The following PTPRT variants were observed in gnomAD, a reference collection of about 807,000 sequenced individuals.
PTPRT encodes the protein protein tyrosine phosphatase receptor type T, also known as receptor-type tyrosine-protein phosphatase T.
PTPRT carries 56 observed loss-of-function variants against 176.8 expected under a neutral mutation model. The observed-to-expected ratio is 0.32, with a 90% CI of 0.26 to 0.40. PTPRT has a LOEUF of 0.40. Ranked by LOEUF, PTPRT falls within the 10% of genes least tolerant of loss-of-function variation. The pLI is 1.00. For synonymous variants in PTPRT, 783 were observed against 739.0 expected (o/e 1.06, Z -0.96); for missense variants, 1,540 against 1,908.2 (o/e 0.81, Z 3.60).
At chr20:42,146,651 C>T (rs985026822) in intron 17 of PTPRT, among the ~76,000 whole-genome samples, 2 of 152,188 alleles carry the variant, frequency 1.3e-5, no homozygotes, top group South Asian at 2.1e-4. Context: ...CATGAGTCTC[C>T]TCATTGGTTC....
chr20:42,377,699 G>A (rs1360646427), intron 9 of PTPRT, among the ~76,000 whole-genome samples: 1 of 152,152 alleles, frequency 6.6e-6, no homozygotes, highest in Non-Finnish European at 1.5e-5. Context: ...CTGTGCTTCC[G>A]GTTGTGAGCC....
chr20:42,819,936 C>A (rs1420104482), intron 2 of PTPRT, among the ~76,000 whole-genome samples: 1 of 152,106 alleles, frequency 6.6e-6, no homozygotes, highest in East Asian at 1.9e-4. Context: ...TAGAGACCTA[C>A]AAAGAGACTC....
intron 11 of PTPRT, among the ~76,000 whole-genome samples, chr20:42,348,633 T>C (rs2058232103): frequency 6.6e-6 from 1 of 152,124 alleles, no homozygotes. Flanking sequence ...ATACAGGTAG[T>C]GTTATATATA....
chr20:42,258,152 T>C (rs563067891), intron 13 of PTPRT, among the ~76,000 whole-genome samples: 1 of 152,326 alleles, frequency 6.6e-6, no homozygotes, highest in African/African-American at 2.4e-5. Flanking sequence ...CAGATTAAAA[T>C]ATCTTTGTAT....
chr20:42,548,829 G>A (rs1044885885), intron 7 of PTPRT, among the ~76,000 whole-genome samples: 2 of 152,126 alleles, frequency 1.3e-5, no homozygotes, highest in African/African-American at 2.4e-5. Flanking sequence ...ATAAAGAAGA[G>A]GGAAGGCAAA....
rs149433344 is a variant in PTPRT at position 42,399,892 on chromosome 20, A to G, written c.1561-47607T>C. On this transcript the variant is annotated intron_variant, in intron 9 of 30. Transcript: ENST00000373187. ...TGTGTCTTTCAAATATCTGACTTATAAGATGACTTTTGCAATATCATCTTT... is the reference window on the plus strand; with the variant it reads ...TGTGTCTTTCAAATATCTGACTTATGAGATGACTTTTGCAATATCATCTTT... Among the ~76,000 whole-genome samples, 5 of 152,346 alleles carry G rather than the reference A, an allele frequency of 3.3e-5. No homozygotes were observed. In the East Asian group the frequency reaches 7.7e-4, roughly 24 times the overall value.
chr20:42,634,727 T>A (rs373079537), intron 7 of PTPRT, among the ~76,000 whole-genome samples: 2 of 152,236 alleles, frequency 1.3e-5, no homozygotes, highest in South Asian at 2.1e-4. Context: ...ATAGCTGGCA[T>A]TTTAGAGAGA....
chr20:42,611,464 T>C (rs1233132375), intron 7 of PTPRT, among the ~76,000 whole-genome samples: 1 of 152,154 alleles, frequency 6.6e-6, no homozygotes, highest in Non-Finnish European at 1.5e-5. Flanking sequence ...ATAGTGAGGC[T>C]CCAAGAGGTT....
chr20:43,071,959 T>C (rs2011186708), intron 1 of PTPRT, among the ~76,000 whole-genome samples: 1 of 152,250 alleles, frequency 6.6e-6, no homozygotes, highest in Non-Finnish European at 1.5e-5. Flanking sequence ...GCACCCAGCC[T>C]ATCTCAGGCA....
At chr20:43,076,284 A>C (rs757968451) in intron 1 of PTPRT, among the ~76,000 whole-genome samples, 1 of 152,170 alleles carries the variant, frequency 6.6e-6, no homozygotes, top group Non-Finnish European at 1.5e-5. Flanking sequence ...CCTGGAGTCT[A>C]ACACTAAATT....
chr20:42,912,640 T>C (rs1027469635), intron 1 of PTPRT, among the ~76,000 whole-genome samples: 1 of 152,228 alleles, frequency 6.6e-6, no homozygotes, highest in Admixed American at 6.5e-5. Flanking sequence ...ACCTGTATCA[T>C]TCTTGATCCT....
intron 1 of PTPRT, among the ~76,000 whole-genome samples, chr20:42,999,596 A>C (rs1430306605): frequency 6.8e-6 from 1 of 146,304 alleles, no homozygotes; most frequent in African/African-American, 2.5e-5. Flanking sequence ...TCTCTAAAAA[A>C]AAAACTTGTG....
intron 7 of PTPRT, among the ~76,000 whole-genome samples, chr20:42,558,038 A>T (rs1488766037): frequency 6.6e-6 from 1 of 152,118 alleles, no homozygotes; most frequent in Non-Finnish European, 1.5e-5. Context: ...TATATAGATA[A>T]ACTTGTGTCA....
intron 8 of PTPRT, among the ~76,000 whole-genome samples, chr20:42,460,465 C>G (rs145777708): frequency 1.9e-3 from 283 of 152,262 alleles, no homozygotes; most frequent in African/African-American, 6.0e-3. Flanking sequence ...TGGCCAACCT[C>G]TGGTATGGAT....
rs182167150 is a variant in PTPRT at position 42,248,597 on chromosome 20, C to A, written c.2312+90G>T. 34 of 1,480,588 alleles carry A rather than the reference C, an allele frequency of 2.3e-5. No individual in the cohort carries two copies. The Admixed American group carries it at 2.8e-4, about 12-fold the overall frequency. 91.7% of individuals were successfully genotyped at this position (1,480,588 alleles called of 1,614,324 possible). A position where few individuals can be genotyped will look rare whatever the true frequency, so the allele number is the denominator to read the frequency against. Reference sequence around the variant, plus strand: ...GTTATAACAGAAGATCCCTGCTGGACAATGATCAACAGAGCAAAAACCTGG... The same window carrying A: ...GTTATAACAGAAGATCCCTGCTGGAAAATGATCAACAGAGCAAAAACCTGG... On this transcript the variant is annotated intron_variant, in intron 14 of 30. Coordinates refer to ENST00000373187, the MANE Select transcript of PTPRT (RefSeq NM_007050.6).
At chr20:42,813,006 C>T (rs2077723119) in intron 2 of PTPRT, among the ~76,000 whole-genome samples, 1 of 152,070 alleles carries the variant, frequency 6.6e-6, no homozygotes, top group South Asian at 2.1e-4. Flanking sequence ...ATTCAGTTGA[C>T]TACTTTCACC....
chr20:42,636,585 G>A (rs1347352889), intron 7 of PTPRT, among the ~76,000 whole-genome samples: 2 of 151,928 alleles, frequency 1.3e-5, no homozygotes, highest in African/African-American at 4.8e-5. Context: ...AGGAGTTTGA[G>A]ACCAGCCTGG....
At chr20:42,843,776 C>A (rs1335324486) in intron 2 of PTPRT, among the ~76,000 whole-genome samples, 1 of 152,176 alleles carries the variant, frequency 6.6e-6, no homozygotes, top group East Asian at 1.9e-4. Flanking sequence ...ATTCTGGGTG[C>A]CACATTCTAA....
intron 1 of PTPRT, among the ~76,000 whole-genome samples, chr20:42,968,399 G>C (rs1206298222): frequency 6.6e-6 from 1 of 152,160 alleles, no homozygotes; most frequent in Non-Finnish European, 1.5e-5. Context: ...GGATCCAGTG[G>C]AGAGAGAGAT....
Sources: allele counts gnomAD v4.1 joint callset (sites outside exome capture counted in the v4.1 genomes callset), GRCh38; gene constraint gnomAD v4.1.1; transcripts MANE v1.5; gene names NCBI Gene and HGNC (gene_info 2026-07-23, HGNC 2026-07-21).